The following PRELID2 variants were observed in gnomAD, a reference collection of about 807,000 sequenced individuals.
The protein encoded by PRELID2 is PRELI domain containing 2, also known as PRELI domain-containing protein 2.
In PRELID2, 25 loss-of-function variants were observed where a neutral mutation model predicts 28.4. The ratio of observed to expected loss-of-function variants is 0.88; its 90% confidence interval spans 0.64 to 1.23. The LOEUF (loss-of-function observed/expected upper bound fraction) is 1.23, where lower values mean the gene tolerates loss of function less well. Ranked by LOEUF, PRELID2 falls within the 50% of genes most tolerant of loss-of-function variation. The pLI is 0.00. For synonymous variants in PRELID2, 76 were observed against 71.6 expected (o/e 1.06, Z -0.31); for missense variants, 201 against 214.4 (o/e 0.94, Z 0.39).
chr5:145,653,227 C>T (rs1754331045), intron 1 of PRELID2, among the ~76,000 whole-genome samples: 1 of 152,160 alleles, frequency 6.6e-6, no homozygotes, highest in Non-Finnish European at 1.5e-5. Context: ...GCACCCAATA[C>T]AGGAGCACCC....
chr5:145,803,438 C>T (rs765630514), intron 4 of PRELID2, among the ~76,000 whole-genome samples: 3 of 151,988 alleles, frequency 2.0e-5, no homozygotes, highest in Non-Finnish European at 4.4e-5. Context: ...ATATACATGC[C>T]TTTAAGACAG....
At chr5:145,261,316 A>G in the PRELID2 span, among the ~76,000 whole-genome samples, 2 of 152,110 alleles carry the variant, frequency 1.3e-5, no homozygotes, top group East Asian at 1.9e-4. Context: ...TATCCTCCCT[A>G]TGTTACTACA....
chr5:145,313,875 G>T, the PRELID2 span, among the ~76,000 whole-genome samples: 6 of 152,140 alleles, frequency 3.9e-5, no homozygotes, highest in African/African-American at 1.4e-4. Flanking sequence ...AAGAATTCTA[G>T]AAATTCTCCC....
intron 1 of PRELID2, among the ~76,000 whole-genome samples, chr5:145,656,111 C>A (rs773172361): frequency 6.6e-6 from 1 of 152,120 alleles, no homozygotes; most frequent in Admixed American, 6.5e-5. Context: ...AGACACTTAT[C>A]AAAAGAAGAC....
At chr5:145,487,679 C>G (rs559982274) in intron 1 of PRELID2, among the ~76,000 whole-genome samples, 3 of 152,216 alleles carry the variant, frequency 2.0e-5, no homozygotes, top group Admixed American at 2.0e-4. Flanking sequence ...GTCCTTCCAG[C>G]TTTGAAGATT....
At chr5:145,299,145 T>C in the PRELID2 span, among the ~76,000 whole-genome samples, 2 of 152,154 alleles carry the variant, frequency 1.3e-5, no homozygotes, top group African/African-American at 4.8e-5. Flanking sequence ...TACCTGTACT[T>C]TACCTCTGTC....
chr5:145,805,554 T>G (rs1753441156), intron 4 of PRELID2, among the ~76,000 whole-genome samples: 1 of 152,124 alleles, frequency 6.6e-6, no homozygotes, highest in South Asian at 2.1e-4. Flanking sequence ...AATCTACATT[T>G]TTAACTCCGC....
chr5:145,232,462 AGTGC>A, the PRELID2 span, among the ~76,000 whole-genome samples: 1 of 152,162 alleles, frequency 6.6e-6, no homozygotes, highest in African/African-American at 2.4e-5. Flanking sequence ...CCTTAGAATG[AGTGC>A]CCCAGATGAT....
chr5:145,592,565 C>T (rs939546396), intron 1 of PRELID2, among the ~76,000 whole-genome samples: 2 of 152,066 alleles, frequency 1.3e-5, no homozygotes, highest in African/African-American at 4.8e-5. Flanking sequence ...ATCTGCTACT[C>T]TACATCTAAA....
At chr5:145,684,757 G>T (rs1755003030) in intron 1 of PRELID2, among the ~76,000 whole-genome samples, 1 of 152,166 alleles carries the variant, frequency 6.6e-6, no homozygotes. Context: ...ACACATGGAT[G>T]AACCAATCCT....
At chr5:145,369,925 G>T in the PRELID2 span, among the ~76,000 whole-genome samples, 3 of 150,482 alleles carry the variant, frequency 2.0e-5, no homozygotes, top group Admixed American at 6.6e-5. Context: ...CTTTTGAGAA[G>T]TATCTGTTCA....
chr5:145,781,931 A>T (rs572017539), intron 5 of PRELID2, among the ~76,000 whole-genome samples: 1 of 151,960 alleles, frequency 6.6e-6, no homozygotes, highest in Non-Finnish European at 1.5e-5. Context: ...CTATTTTCTC[A>T]TTGTCTTTGT....
chr5:145,463,373 T>C, the PRELID2 span, among the ~76,000 whole-genome samples: 1 of 151,722 alleles, frequency 6.6e-6, no homozygotes, highest in Non-Finnish European at 1.5e-5. Context: ...GTCTTTAGTT[T>C]TAATTGATAT....
intron 1 of PRELID2, among the ~76,000 whole-genome samples, chr5:145,710,731 G>A (rs1374032002): frequency 1.3e-5 from 2 of 152,194 alleles, no homozygotes. Flanking sequence ...TGTCGCTGAG[G>A]CTCACGCCAT....
chr5:145,580,475 C>G (rs2149624333), intron 1 of PRELID2, among the ~76,000 whole-genome samples: 1 of 152,152 alleles, frequency 6.6e-6, no homozygotes, highest in Non-Finnish European at 1.5e-5. Context: ...ACATGTGGCT[C>G]AGAGGCCTAA....
the PRELID2 span, among the ~76,000 whole-genome samples, chr5:145,360,260 C>G: frequency 6.6e-6 from 1 of 152,146 alleles, no homozygotes; most frequent in Admixed American, 6.6e-5. Context: ...CGTGGGCATC[C>G]CCCAAAGAGT....
At chr5:145,428,158 C>A in the PRELID2 span, among the ~76,000 whole-genome samples, 7 of 152,144 alleles carry the variant, frequency 4.6e-5, no homozygotes, top group East Asian at 1.4e-3. Flanking sequence ...GGGGTTTCAC[C>A]GTGTTGGTCA....
the PRELID2 span, among the ~76,000 whole-genome samples, chr5:145,295,737 A>G: frequency 3.9e-5 from 6 of 152,186 alleles, no homozygotes; most frequent in Non-Finnish European, 8.8e-5. Context: ...CATGTAGCGA[A>G]TTGATGGAAG....
the PRELID2 span, among the ~76,000 whole-genome samples, chr5:145,306,320 C>T: frequency 6.6e-6 from 1 of 151,854 alleles, no homozygotes; most frequent in Non-Finnish European, 1.5e-5. Flanking sequence ...TGAACACTTG[C>T]CTTCAGAATA....
Sources: gnomAD v4.1 joint callset for allele counts (sites outside exome capture counted in the v4.1 genomes callset) on GRCh38, gnomAD v4.1.1 for gene constraint, MANE v1.5 for transcripts, NCBI Gene and HGNC (gene_info 2026-07-23, HGNC 2026-07-21) for gene names.